Variants in ATRNL1 observed in about 807,000 individuals in gnomAD.
ATRNL1 encodes attractin-like protein 1.
In ATRNL1, 95 loss-of-function variants were observed where a neutral mutation model predicts 182.7. That is an observed-to-expected ratio of 0.52 (90% CI 0.44 to 0.62). The LOEUF (loss-of-function observed/expected upper bound fraction) is 0.62. ATRNL1 is among the 20% of genes least tolerant of loss of function. The pLI is 0.00. For missense variants in ATRNL1, 1,471 were observed against 1,679.5 expected, an observed-to-expected ratio of 0.88 and a Z score of 2.17; for synonymous variants, 576 against 568.3, an observed-to-expected ratio of 1.01 and a Z score of -0.19.
At chr10:115,410,510 G>C (rs1845082682) in intron 20 of ATRNL1, among the ~76,000 whole-genome samples, 1 of 151,672 alleles carries the variant, frequency 6.6e-6, no homozygotes, top group African/African-American at 2.4e-5. Context: ...TAGTAGAGAT[G>C]CAGTTTCACC....
intron 8 of ATRNL1, among the ~76,000 whole-genome samples, chr10:115,202,533 T>C (rs1269768883): frequency 6.6e-6 from 1 of 152,208 alleles, no homozygotes; most frequent in Admixed American, 6.6e-5. Flanking sequence ...ATGGATTACA[T>C]TTATTGATTT....
intron 9 of ATRNL1, among the ~76,000 whole-genome samples, chr10:115,240,862 C>T (rs929382296): frequency 7.9e-5 from 12 of 151,616 alleles, no homozygotes; most frequent in African/African-American, 2.7e-4. Context: ...TCACAAGATG[C>T]GTTGTAATTG....
chr10:115,125,016 T>C (rs1445256903), intron 3 of ATRNL1, among the ~76,000 whole-genome samples: 2 of 152,156 alleles, frequency 1.3e-5, no homozygotes, highest in Non-Finnish European at 2.9e-5. Context: ...GGGGGTCAGA[T>C]AGGACATTCT....
rs373579457 is a variant in ATRNL1, at chr10:115,451,422, A to G, written c.3323-10519A>G. Reference sequence around the variant, plus strand: ...TGGAACTTAAATTTTCAAGAAAGAAACAAGCAACCTCATTAAAAAGTGGGC... The same window carrying G: ...TGGAACTTAAATTTTCAAGAAAGAAGCAAGCAACCTCATTAAAAAGTGGGC... On this transcript the variant is annotated intron_variant, in intron 21 of 28. Coordinates refer to ENST00000355044, the MANE Select transcript of ATRNL1 (RefSeq NM_207303.4). Among the ~76,000 whole-genome samples the G allele has an allele frequency of 1.1e-4, 16 of 152,278 alleles. No homozygotes were observed. In the East Asian group the frequency reaches 2.1e-3, roughly 20 times the overall value.
At chr10:115,733,849 T>C (rs1235508159) in intron 27 of ATRNL1, among the ~76,000 whole-genome samples, 1 of 152,196 alleles carries the variant, frequency 6.6e-6, no homozygotes, top group Admixed American at 6.5e-5. Flanking sequence ...TAAATATTAA[T>C]GTAAAAGATA....
intron 26 of ATRNL1, among the ~76,000 whole-genome samples, chr10:115,671,134 ATT>A (rs1434075194): frequency 6.6e-6 from 1 of 152,118 alleles, no homozygotes; most frequent in African/African-American, 2.4e-5. Context: ...CACAGGCTGC[ATT>A]TGGCAGAAGT....
chr10:115,340,618 A>G, intron 19 of ATRNL1, among the ~76,000 whole-genome samples: 1 of 151,012 alleles, frequency 6.6e-6, no homozygotes, highest in East Asian at 2.0e-4. Context: ...GTTCTGCTTT[A>G]AATGTTTGGT....
chr10:115,397,101 C>T (rs1844325233), intron 20 of ATRNL1, among the ~76,000 whole-genome samples: 1 of 151,672 alleles, frequency 6.6e-6, no homozygotes, highest in South Asian at 2.1e-4. Flanking sequence ...ATTTTTAGAG[C>T]AATTAATTGC....
intron 18 of ATRNL1, among the ~76,000 whole-genome samples, chr10:115,322,289 A>G (rs150001298): frequency 9.9e-4 from 151 of 151,892 alleles, no homozygotes; most frequent in African/African-American, 3.5e-3. Flanking sequence ...TTGAGTGATG[A>G]AAGGAGGATA....
chr10:115,606,977 TATG>T (rs1856907993), intron 26 of ATRNL1, among the ~76,000 whole-genome samples: 1 of 151,954 alleles, frequency 6.6e-6, no homozygotes, highest in Admixed American at 6.6e-5. Flanking sequence ...CGTGATAAAG[TATG>T]AGGGACATTG....
At chr10:115,434,756 A>G (rs1444545702) in intron 21 of ATRNL1, among the ~76,000 whole-genome samples, 1 of 152,136 alleles carries the variant, frequency 6.6e-6, no homozygotes, top group African/African-American at 2.4e-5. Context: ...AAGTTAAATA[A>G]TACACTTTTA....
intron 22 of ATRNL1, among the ~76,000 whole-genome samples, chr10:115,464,672 C>A (rs1847967613): frequency 6.6e-6 from 1 of 151,738 alleles, no homozygotes; most frequent in Non-Finnish European, 1.5e-5. Flanking sequence ...TTTGTGTGAC[C>A]TTTTAGCGAC....
intron 28 of ATRNL1, among the ~76,000 whole-genome samples, chr10:115,857,293 C>T (rs1479928482): frequency 1.3e-5 from 2 of 152,068 alleles, no homozygotes; most frequent in African/African-American, 4.8e-5. Context: ...TATACAGGGA[C>T]TTTAAACTGC....
intron 5 of ATRNL1, among the ~76,000 whole-genome samples, chr10:115,134,648 C>A (rs1379030545): frequency 2.6e-5 from 4 of 152,086 alleles, no homozygotes; most frequent in Admixed American, 6.6e-5. Context: ...CTATTTCAAT[C>A]AATAGAAAAA....
intron 28 of ATRNL1, among the ~76,000 whole-genome samples, chr10:115,878,004 C>A (rs1180808870): frequency 6.6e-6 from 1 of 152,142 alleles, no homozygotes; most frequent in Non-Finnish European, 1.5e-5. Flanking sequence ...AGACGACTCC[C>A]AGATCAGAGG....
chr10:115,922,903 A>T (rs762904258), intron 28 of ATRNL1, among the ~76,000 whole-genome samples: 1 of 152,210 alleles, frequency 6.6e-6, no homozygotes. Flanking sequence ...AATTTTTAAC[A>T]CAAGGAAAAT....
intron 8 of ATRNL1, among the ~76,000 whole-genome samples, chr10:115,191,391 G>A (rs1489415808): frequency 1.3e-5 from 2 of 151,762 alleles, no homozygotes; most frequent in Non-Finnish European, 2.9e-5. Context: ...CCTGTCTTTT[G>A]GATAAAAGCC....
intron 24 of ATRNL1, among the ~76,000 whole-genome samples, chr10:115,507,424 G>A (rs59934995): frequency 5.9e-5 from 9 of 151,898 alleles, no homozygotes; most frequent in South Asian, 2.1e-4. Context: ...AATCAAATGC[G>A]TGATTGCAAA....
At chr10:115,590,574 A>T (rs1472953383) in intron 26 of ATRNL1, among the ~76,000 whole-genome samples, 1 of 152,142 alleles carries the variant, frequency 6.6e-6, no homozygotes, top group Non-Finnish European at 1.5e-5. Context: ...AATCTACTAC[A>T]GTCTATTTTA....
Sources: allele counts gnomAD v4.1 joint callset (sites outside exome capture counted in the v4.1 genomes callset), GRCh38; gene constraint gnomAD v4.1.1; transcripts MANE v1.5; gene names NCBI Gene and HGNC (gene_info 2026-07-23, HGNC 2026-07-21).